PADI3: variants seen among roughly 807,000 people sequenced by gnomAD.
PADI3 encodes protein-arginine deiminase type-3.
PADI3 carries 53 observed loss-of-function variants against 71.5 expected under a neutral mutation model. The observed-to-expected ratio is 0.74, with a 90% confidence interval of 0.59 to 0.93. The LOEUF is 0.93. Among genes scored for constraint, PADI3 ranks in the 40% least tolerant of loss-of-function variants. PADI3 has a pLI of 0.00. For missense variants in PADI3, 821 were observed against 868.0 expected (o/e 0.95, Z 0.68); for synonymous variants, 361 against 347.5 (o/e 1.04, Z -0.43).
At chr1:17,277,272 G>A (rs1054923703) in intron 13 of PADI3, among the ~76,000 whole-genome samples, 6 of 151,466 alleles carry the variant, frequency 4.0e-5, no homozygotes, top group Non-Finnish European at 8.8e-5. Flanking sequence ...TCCACTCACC[G>A]CAACCTCCGC....
intron 5 of PADI3, among the ~76,000 whole-genome samples, chr1:17,267,343 T>A (rs113607743): frequency 1.1e-4 from 16 of 152,314 alleles, no homozygotes; most frequent in African/African-American, 3.6e-4. Flanking sequence ...TCTTGCTAAG[T>A]CCATCTGTCC....
chr1:17,253,881 GA>G (rs917758866), intron 1 of PADI3, among the ~76,000 whole-genome samples: 5 of 152,324 alleles, frequency 3.3e-5, no homozygotes, highest in Admixed American at 3.3e-4. Context: ...TCCCCATATG[GA>G]CCCTGAAGGG....
chr1:17,266,693 CA>C (rs2073172909), intron 4 of PADI3, 25 bp from the exon 5 acceptor site: 1 of 1,591,378 alleles, frequency 6.3e-7, no homozygotes, highest in Non-Finnish European at 8.6e-7. Flanking sequence ...GAGCCCTCAT[CA>C]CTGGCTATGT....
chr1:17,258,589 G>A (rs890545630), intron 1 of PADI3, among the ~76,000 whole-genome samples: 1 of 152,270 alleles, frequency 6.6e-6, no homozygotes, highest in African/African-American at 2.4e-5. Context: ...AACAGCATGG[G>A]CTTGGAGTCA....
rs184468092 is a variant in PADI3 at position 17,268,447 on chromosome 1, A to C, written c.652+485A>C. ...TGCCAAAATCACAAGAAATACAAGT[A>C]AAAATCTAAATGCCTTTGAGAAACT... On this transcript the variant is annotated intron_variant, in intron 6 of 15. Transcript: ENST00000375460. Among the ~76,000 whole-genome samples, 230 of 152,082 alleles carry C rather than the reference A, an allele frequency of 1.5e-3. 1 individual carries two copies. The highest frequency in any genetic ancestry group is 2.8e-3 in the Admixed American group (43 of 15,266).
chr1:17,262,569 A>G (rs2073116564), intron 3 of PADI3, among the ~76,000 whole-genome samples: 1 of 152,234 alleles, frequency 6.6e-6, no homozygotes. Flanking sequence ...TAATATGTTA[A>G]GGGTTCTAGT....
rs553428423 is a variant in PADI3 at position 17,283,836 on chromosome 1, C to A, written c.*757C>A. On this transcript the variant is annotated 3_prime_UTR_variant, in exon 16 of 16. Transcript: ENST00000375460. Reference sequence around the variant, plus strand: ...GGGGGATTGTTGGGTACTAGGGAGACTGGGTACAAGGGTGAAAAGTAGTTC... The same window carrying A: ...GGGGGATTGTTGGGTACTAGGGAGAATGGGTACAAGGGTGAAAAGTAGTTC... The A allele has an allele frequency of 3.3e-5, 5 of 152,354 alleles. No homozygotes were observed. The highest frequency in any genetic ancestry group is 9.6e-5 in the African/African-American group (4 of 41,560). 9.4% of individuals were successfully genotyped at this position (152,354 alleles called of 1,614,324 possible).
intron 6 of PADI3, 114 bp from the exon 7 acceptor site, chr1:17,270,119 G>A: frequency 1.6e-6 from 2 of 1,218,324 alleles, no homozygotes; most frequent in Non-Finnish European, 2.3e-6. Context: ...AAAGGAGGGA[G>A]TTGTTGGAGG....
Position 17,273,407 on chromosome 1 carries a change from G to A in PADI3, c.1115G>A (p.Arg372Lys). ...CTCCCGGTGGTCTTTGACTCCCCAA[G>A]GAATGGGGAACTGCAGGATTTCCCT... Reference protein sequence around the residue: ...KTLPVVFDSPRNGELQDFPYK... With the variant: ...KTLPVVFDSPKNGELQDFPYK... The change falls in exon 10 of 16, where the codon AGG (arginine) becomes AAG (lysine). Residue 372 changes from arginine to lysine, a missense_variant. By Grantham distance (26) the Arg-to-Lys change is conservative. Coordinates refer to ENST00000375460, the MANE Select transcript of PADI3 (RefSeq NM_016233.2). 1 of 1,613,350 alleles carries A rather than the reference G, an allele frequency of 6.2e-7. No individual in the cohort carries two copies. The highest frequency in any genetic ancestry group is 8.5e-7 in the Non-Finnish European group (1 of 1,179,566).
At position 17,262,198 on chromosome 1, in the gene PADI3, C is replaced by T. The variant is rs1202838406; in HGVS notation, c.339C>T (p.Thr113=). 1.9e-6 allele frequency: 3 copies of T among 1,609,012 alleles called. No individual in the cohort carries two copies. The highest frequency in any genetic ancestry group is 2.5e-6 in the Non-Finnish European group (3 of 1,178,474). ...TGGCCTATGCGGTGCTCTACCTCAC[C>T]TGTGTTGGTAAGTTGGGGGCCATGT... The part of the protein sequence containing the change: ...LPLAYAVLYL[T]CVDISLDCDL... The change falls in exon 3 of 16, where the codon ACC becomes ACT. Residue 113 remains threonine, a synonymous_variant. Transcript: ENST00000375460.
chr1:17,281,855 GC>G (rs1389887957), intron 15 of PADI3, among the ~76,000 whole-genome samples: 1 of 152,202 alleles, frequency 6.6e-6, no homozygotes, highest in Non-Finnish European at 1.5e-5. Context: ...AGGCACTGCT[GC>G]CGCGCTAACA....
chr1:17,250,551 T>G (rs148811282), intron 1 of PADI3, among the ~76,000 whole-genome samples: 3 of 152,148 alleles, frequency 2.0e-5, no homozygotes, highest in Non-Finnish European at 1.5e-5. Context: ...GAGCTGGTCA[T>G]GGGAGGGAAC....
chr1:17,259,303 C>T (rs2073069937), intron 1 of PADI3, among the ~76,000 whole-genome samples: 2 of 152,132 alleles, frequency 1.3e-5, no homozygotes, highest in Admixed American at 6.5e-5. Flanking sequence ...AGTGATCCGC[C>T]CGCCTCGGCT....
In PADI3 at chr1:17,283,087, C is replaced by T. The variant is rs2073421564; in HGVS notation, c.*8C>T. On this transcript the variant is annotated 3_prime_UTR_variant, in exon 16 of 16. Transcript: ENST00000375460. ...TGGAACATGGTGCCCTGAGACAGCT[C>T]CCACCCACCATCCTGTCCCCCTGGG... is the stretch of plus-strand genomic sequence containing the variant. 1 of 1,607,142 alleles carries T rather than the reference C, an allele frequency of 6.2e-7. No homozygotes were observed. The highest frequency in any genetic ancestry group is 1.3e-5 in the African/African-American group (1 of 74,826).
At chr1:17,250,764 G>A (rs1367253648) in intron 1 of PADI3, among the ~76,000 whole-genome samples, 3 of 152,222 alleles carry the variant, frequency 2.0e-5, no homozygotes, top group Non-Finnish European at 4.4e-5. Context: ...GCCATGGGGT[G>A]ACTCACCTGC....
intron 1 of PADI3, among the ~76,000 whole-genome samples, chr1:17,256,859 C>T (rs1027873223): frequency 1.3e-5 from 2 of 151,972 alleles, no homozygotes; most frequent in African/African-American, 4.8e-5. Context: ...ATGGTGAAAC[C>T]CTGTTTCTAC....
chr1:17,276,183 A>G (rs191923340), intron 11 of PADI3, among the ~76,000 whole-genome samples: 8 of 152,184 alleles, frequency 5.3e-5, no homozygotes, highest in Admixed American at 3.9e-4. Context: ...AAAAATACAG[A>G]AAAATTAGCC....
intron 2 of PADI3, among the ~76,000 whole-genome samples, chr1:17,260,654 C>G (rs974176469): frequency 1.3e-5 from 2 of 152,210 alleles, no homozygotes; most frequent in Non-Finnish European, 2.9e-5. Flanking sequence ...CCATCACCCC[C>G]ACCTCTGTTC....
In PADI3 at chr1:17,273,386, C is replaced by T. The variant is rs187733966; in HGVS notation, c.1094C>T (p.Pro365Leu). Residue 365 changes from proline to leucine, a missense_variant, in exon 10 of 16, where the codon CCG becomes CTG. By Grantham distance (98) the Pro-to-Leu change is moderately conservative. Coordinates refer to ENST00000375460, the MANE Select transcript of PADI3 (RefSeq NM_016233.2). ...GYVQAPHKTL[P>L]VVFDSPRNGE... ...GTTCAGGCGCCGCACAAGACCCTCC[C>T]GGTGGTCTTTGACTCCCCAAGGAAT... is the stretch of plus-strand genomic sequence containing the variant. The T allele has an allele frequency of 2.5e-5, 41 of 1,613,780 alleles. No homozygotes were observed. The East Asian group carries it at 4.9e-4, about 19-fold the overall frequency.
Sources: allele counts gnomAD v4.1 joint callset (sites outside exome capture counted in the v4.1 genomes callset), GRCh38; gene constraint gnomAD v4.1.1; transcripts MANE v1.5; gene names NCBI Gene and HGNC (gene_info 2026-07-23, HGNC 2026-07-21).